DYNLT2: variants seen among roughly 807,000 people sequenced by gnomAD.
DYNLT2 encodes the protein dynein light chain Tctex-type protein 2.
DYNLT2 carries 24 observed loss-of-function variants against 24.3 expected under a neutral mutation model. The ratio of observed to expected loss-of-function variants is 0.99; its 90% CI spans 0.71 to 1.39. The LOEUF (loss-of-function observed/expected upper bound fraction) is 1.39, where lower values mean the gene tolerates loss of function less well. DYNLT2 is among the 40% of genes most tolerant of loss of function. The pLI, the probability that DYNLT2 is intolerant of heterozygous loss-of-function variation, is 0.00. For missense variants in DYNLT2, 246 were observed against 234.5 expected, an observed-to-expected ratio of 1.05 and a Z score of -0.32; for synonymous variants, 85 against 85.4, an observed-to-expected ratio of 1.00 and a Z score of 0.03.
the DYNLT2 span, among the ~76,000 whole-genome samples, chr6:169,732,479 C>G: frequency 6.6e-6 from 1 of 152,250 alleles, no homozygotes; most frequent in Non-Finnish European, 1.5e-5. Context: ...TGTTGTTCCC[C>G]TCTCTTGTGT....
At chr6:169,741,376 G>A (rs1269113307) in intron 3 of DYNLT2, among the ~76,000 whole-genome samples, 2 of 152,142 alleles carry the variant, frequency 1.3e-5, no homozygotes, top group East Asian at 3.9e-4. Context: ...GCCACAGCTA[G>A]CCCACCAGTC....
downstream of DYNLT2, among the ~76,000 whole-genome samples, chr6:169,737,783 C>G (rs1482838741): frequency 6.6e-6 from 1 of 152,086 alleles, no homozygotes; most frequent in African/African-American, 2.4e-5. Context: ...AGGGTCTCAC[C>G]CAGTTGGGTG....
At chr6:169,735,958 T>C (rs1789552575), downstream of DYNLT2, among the ~76,000 whole-genome samples, 1 of 152,144 alleles carries the variant, frequency 6.6e-6, no homozygotes, top group South Asian at 2.1e-4. Flanking sequence ...TTTTATGAAT[T>C]TGAGTGCTCC....
the DYNLT2 span, among the ~76,000 whole-genome samples, chr6:169,729,258 C>T: frequency 1.3e-5 from 2 of 152,212 alleles, no homozygotes; most frequent in Non-Finnish European, 2.9e-5. Flanking sequence ...GTTTTTTCTA[C>T]TTACTGAACT....
intron 3 of DYNLT2, among the ~76,000 whole-genome samples, chr6:169,740,796 C>A (rs1789660818): frequency 7.0e-6 from 1 of 143,034 alleles, no homozygotes; most frequent in African/African-American, 2.9e-5. Flanking sequence ...TGTGGAGGAT[C>A]TAAAATGGCC....
the DYNLT2 span, chr6:169,725,362 A>G: frequency 2.5e-6 from 1 of 398,632 alleles, no homozygotes; most frequent in East Asian, 3.6e-5. Flanking sequence ...GGATTATTCT[A>G]GCGCGTCACA....
the DYNLT2 span, among the ~76,000 whole-genome samples, chr6:169,727,476 AAGC>A: frequency 6.6e-6 from 1 of 152,166 alleles, no homozygotes; most frequent in Non-Finnish European, 1.5e-5. Context: ...ATTAGACAGG[AAGC>A]AGAATCCACC....
chr6:169,751,221 G>T (rs1790033627), intron 1 of DYNLT2, 118 bp downstream of exon 1: 2 of 1,437,586 alleles, frequency 1.4e-6, no homozygotes, highest in Non-Finnish European at 1.9e-6. Flanking sequence ...AAACACAAAA[G>T]GGAGATGCTG....
intron 3 of DYNLT2, among the ~76,000 whole-genome samples, chr6:169,741,726 T>C (rs1282785479): frequency 6.6e-6 from 1 of 152,020 alleles, no homozygotes; most frequent in Non-Finnish European, 1.5e-5. Context: ...CTCCCTTCTC[T>C]TTGGTACAGC....
downstream of DYNLT2, chr6:169,738,577 C>T (rs1789609148): frequency 6.6e-6 from 1 of 152,272 alleles, no homozygotes. Context: ...TGCCACACCA[C>T]ACTGCTCTTC....
chr6:169,739,209 T>C (rs958018022), downstream of DYNLT2, among the ~76,000 whole-genome samples: 1 of 98,342 alleles, frequency 1.0e-5, no homozygotes, highest in Non-Finnish European at 2.1e-5. Context: ...AATTTTCTCC[T>C]TTTTTTTTTT....
chr6:169,742,773 A>G (rs1021693795), intron 3 of DYNLT2, among the ~76,000 whole-genome samples: 2 of 151,856 alleles, frequency 1.3e-5, no homozygotes, highest in Non-Finnish European at 2.9e-5. Flanking sequence ...TAATTTTTGT[A>G]TTTTTAGTAG....
chr6:169,742,488 CA>C (rs1382587336), intron 3 of DYNLT2, among the ~76,000 whole-genome samples: 3 of 151,980 alleles, frequency 2.0e-5, no homozygotes, highest in Non-Finnish European at 4.4e-5. Context: ...TATTAGTGCC[CA>C]AAATAAATTT....
intron 1 of DYNLT2, among the ~76,000 whole-genome samples, chr6:169,746,066 C>T (rs1789791690): frequency 1.3e-5 from 2 of 152,134 alleles, no homozygotes; most frequent in South Asian, 4.1e-4. Flanking sequence ...CAGAATTGTT[C>T]ATAATATTCT....
the DYNLT2 span, among the ~76,000 whole-genome samples, chr6:169,731,221 G>A: frequency 6.6e-6 from 1 of 152,288 alleles, no homozygotes; most frequent in African/African-American, 2.4e-5. Flanking sequence ...GTGTTGCTAG[G>A]ATCTGAGATC....
the DYNLT2 span, among the ~76,000 whole-genome samples, chr6:169,727,413 A>G: frequency 6.6e-4 from 101 of 152,288 alleles, 1 homozygote; most frequent in East Asian, 9.1e-3. Flanking sequence ...AGGAAATGCT[A>G]CTGGAAGGCA....
downstream of DYNLT2, chr6:169,739,057 A>G (rs558939074): frequency 6.6e-6 from 1 of 152,158 alleles, no homozygotes; most frequent in Non-Finnish European, 1.5e-5. Context: ...AGGTATTTTT[A>G]CTTGTCAATA....
chr6:169,727,562 T>TG, the DYNLT2 span, among the ~76,000 whole-genome samples: 1 of 143,178 alleles, frequency 7.0e-6, no homozygotes, highest in East Asian at 2.2e-4. Flanking sequence ...GTTTGTTTTT[T>TG]TGTTTTTTTG....
chr6:169,741,169 G>A (rs1159618969), intron 3 of DYNLT2, among the ~76,000 whole-genome samples: 1 of 152,160 alleles, frequency 6.6e-6, no homozygotes, highest in Non-Finnish European at 1.5e-5. Context: ...TCCCCACCCT[G>A]TGAATAAGTC....
Sources: gnomAD v4.1 joint callset for allele counts (sites outside exome capture counted in the v4.1 genomes callset) on GRCh38, gnomAD v4.1.1 for gene constraint, MANE v1.5 for transcripts, NCBI Gene and HGNC (gene_info 2026-07-23, HGNC 2026-07-21) for gene names.